Variants in NTSR1 observed in about 807,000 individuals in gnomAD.
The protein encoded by NTSR1 is neurotensin receptor type 1.
NTSR1 carries 29 observed loss-of-function variants against 31.2 expected under a neutral mutation model. The ratio of observed to expected loss-of-function variants is 0.93; its 90% CI spans 0.69 to 1.27. The LOEUF (loss-of-function observed/expected upper bound fraction) is 1.27, where lower values mean the gene tolerates loss of function less well. Ranked by LOEUF, NTSR1 falls within the 50% of genes most tolerant of loss-of-function variation. NTSR1 has a pLI of 0.00. For synonymous variants in NTSR1, 282 were observed against 269.9 expected, an observed-to-expected ratio of 1.04 and a Z score of -0.44; for missense variants, 697 against 595.4, an observed-to-expected ratio of 1.17 and a Z score of -1.78.
chr20:62,755,221 T>TCC, intron 2 of NTSR1, among the ~76,000 whole-genome samples: 1 of 90,466 alleles, frequency 1.1e-5, no homozygotes, highest in Non-Finnish European at 2.1e-5. Context: ...CCATCCATCC[T>TCC]TCTCTCCCTC....
intron 1 of NTSR1, among the ~76,000 whole-genome samples, chr20:62,725,745 C>A (rs945812633): frequency 6.6e-6 from 1 of 152,130 alleles, no homozygotes; most frequent in Non-Finnish European, 1.5e-5. Flanking sequence ...TATCACCCCC[C>A]ACCTTGAATC....
rs1206553027 is a variant in NTSR1, at chr20:62,741,315, G to A, written c.715-13370G>A. Among the ~76,000 whole-genome samples, 2 of 150,420 alleles carry A rather than the reference G, an allele frequency of 1.3e-5. No individual in the cohort carries two copies. Among genetic ancestry groups the A allele is most frequent in the Non-Finnish European group, 2.9e-5 (2 of 68,012 alleles). On this transcript the variant is annotated intron_variant, in intron 1 of 3. Coordinates refer to ENST00000370501, the MANE Select transcript of NTSR1 (RefSeq NM_002531.3). The surrounding 1 kb of genome is among the most constrained non-coding windows in gnomAD (Gnocchi z 4.3). ...CCCCACTCAGACAATGGCCTCTATA[G>A]CTCCAGCAATCAGGAGGGAAAAGAT...
chr20:62,751,239 A>T (rs891323774), intron 1 of NTSR1, among the ~76,000 whole-genome samples: 1 of 152,236 alleles, frequency 6.6e-6, no homozygotes, highest in Non-Finnish European at 1.5e-5. Flanking sequence ...GGTTAAAAAT[A>T]TATACATTTA....
chr20:62,754,848 G>A lies in NTSR1; in HGVS notation c.878G>A (p.Gly293Asp), dbSNP rs568596896. The A allele has an allele frequency of 2.5e-6, 4 of 1,606,762 alleles. No individual in the cohort carries two copies. The highest frequency in any genetic ancestry group is 1.7e-4 in the Middle Eastern group (1 of 6,048). The change falls in exon 2 of 4, where the codon GGC becomes GAC. Residue 293 changes from glycine (G) to aspartate (D), a missense_variant. Transcript: ENST00000370501. ...HSTFSMAIEPGRVQALRHGVR... is the reference protein window; with the variant it reads ...HSTFSMAIEPDRVQALRHGVR... ...ACATTCAGCATGGCCATCGAGCCTG[G>A]CAGGGTCCAGGCCCTGCGGCACGGC...
At chr20:62,722,421 C>G (rs970860260) in intron 1 of NTSR1, among the ~76,000 whole-genome samples, 5 of 152,346 alleles carry the variant, frequency 3.3e-5, no homozygotes, top group African/African-American at 7.2e-5. Context: ...TTCCCCCTAG[C>G]TCTGCCAGGA....
In NTSR1 at chr20:62,758,314, G is replaced by A. The variant is rs765309163; in HGVS notation, c.965G>A (p.Arg322Gln). ...GTCTGCTGGCTGCCCTACCACGTGC[G>A]GCGCCTCATGTTCTGCTACATCTCG... ...FVVCWLPYHV[R>Q]RLMFCYISDE... is the part of the protein sequence containing the mutation. Residue 322 changes from arginine (R) to glutamine (Q), a missense_variant, in exon 3 of 4, where the codon CGG becomes CAG. Coordinates refer to ENST00000370501, the MANE Select transcript of NTSR1 (RefSeq NM_002531.3). This position sits in a 1 kb window ranked among gnomAD's most constrained non-coding sequence, Gnocchi z 4.5. The A allele has an allele frequency of 1.7e-5, 28 of 1,613,744 alleles. No individual in the cohort carries two copies. The highest frequency in any genetic ancestry group is 2.7e-5 in the African/African-American group (2 of 75,002).
rs1989033975 is a variant in NTSR1 at position 62,733,395 on chromosome 20, T to A, written c.715-21290T>A. On this transcript the variant is annotated intron_variant, in intron 1 of 3. Transcript: ENST00000370501. This position sits in a 1 kb window ranked among gnomAD's most constrained non-coding sequence, Gnocchi z 5.2. The stretch of plus-strand genomic sequence containing the variant: ...GCTCCTTTCCGGGAGCAAATGAGCA[T>A]CTCTCGGGACAGTTGTGTTTCCCTT... Among the ~76,000 whole-genome samples, 1 of 152,110 alleles carries A rather than the reference T, an allele frequency of 6.6e-6. No homozygotes were observed. Among genetic ancestry groups the A allele is most frequent in the Admixed American group, 6.5e-5 (1 of 15,272 alleles).
intron 1 of NTSR1, among the ~76,000 whole-genome samples, chr20:62,750,369 AG>A (rs1298434109): frequency 6.6e-6 from 1 of 152,100 alleles, no homozygotes; most frequent in African/African-American, 2.4e-5. Flanking sequence ...CGGAGCTTTG[AG>A]GTATGGTGTG....
chr20:62,718,134 A>C (rs1199371819), intron 1 of NTSR1, among the ~76,000 whole-genome samples: 1 of 152,204 alleles, frequency 6.6e-6, no homozygotes, highest in East Asian at 1.9e-4. Context: ...CCGTGTGAGA[A>C]GCCACGGGCA....
In NTSR1 at chr20:62,754,697, A is replaced by G. The variant is rs1390523231; in HGVS notation, c.727A>G (p.Met243Val). ...TCCTCTCCTGCAGGTCAACACCTTCATGTCCTTCATATTCCCCATGGTGGT... is the reference window on the plus strand; with the variant it reads ...TCCTCTCCTGCAGGTCAACACCTTCGTGTCCTTCATATTCCCCATGGTGGT... ...VKVVIQVNTF[M>V]SFIFPMVVIS... Residue 243 changes from methionine (M) to valine (V), a missense_variant, in exon 2 of 4, where the codon ATG becomes GTG. By Grantham distance (21) the Met-to-Val change is conservative (BLOSUM62 1). Transcript: ENST00000370501. 1 of 1,612,358 alleles carries G rather than the reference A, an allele frequency of 6.2e-7. No homozygotes were observed. The highest frequency in any genetic ancestry group is 1.3e-5 in the African/African-American group (1 of 74,864).
intron 3 of NTSR1, among the ~76,000 whole-genome samples, chr20:62,759,686 A>G (rs1989577845): frequency 1.3e-5 from 2 of 151,494 alleles, no homozygotes; most frequent in African/African-American, 2.4e-5. Flanking sequence ...GAGGCAGGAG[A>G]ATGGTGTGAA....
At chr20:62,712,490 T>C (rs768603343) in intron 1 of NTSR1, among the ~76,000 whole-genome samples, 7 of 152,246 alleles carry the variant, frequency 4.6e-5, no homozygotes, top group Non-Finnish European at 8.8e-5. Context: ...GATAACACTT[T>C]GGAGCAACTT....
intron 1 of NTSR1, among the ~76,000 whole-genome samples, chr20:62,735,865 G>A (rs1309401276): frequency 1.3e-5 from 2 of 152,222 alleles, no homozygotes; most frequent in Non-Finnish European, 1.5e-5. Context: ...AAAAGGAAAT[G>A]GGACAGGAGT....
At chr20:62,750,896 A>G (rs995884707) in intron 1 of NTSR1, among the ~76,000 whole-genome samples, 2 of 152,022 alleles carry the variant, frequency 1.3e-5, no homozygotes, top group African/African-American at 2.4e-5. Flanking sequence ...TATTTTTGCG[A>G]TGGGCGTCTC....
intron 1 of NTSR1, among the ~76,000 whole-genome samples, chr20:62,738,250 C>T (rs1005652643): frequency 9.9e-5 from 15 of 152,262 alleles, no homozygotes; most frequent in African/African-American, 3.4e-4. Context: ...GCTAGATGGC[C>T]GGCCTGGATG....
chr20:62,745,009 T>G lies in NTSR1; in HGVS notation c.715-9676T>G, dbSNP rs573687947. The stretch of plus-strand genomic sequence containing the variant: ...AGCCCCACCTCCAGACCACCACGGC[T>G]GTCACAGCAGACACCCCTGTCTCCC... On this transcript the variant is annotated intron_variant, in intron 1 of 3. Transcript: ENST00000370501. The surrounding 1 kb of genome is among the most constrained non-coding windows in gnomAD (Gnocchi z 4.1). 1.3e-5 allele frequency among the ~76,000 whole-genome samples: 2 copies of G among 152,260 alleles called. No homozygotes were observed. Among genetic ancestry groups the G allele is most frequent in the African/African-American group, 4.8e-5 (2 of 41,550 alleles).
intron 1 of NTSR1, among the ~76,000 whole-genome samples, chr20:62,751,333 T>G (rs913346590): frequency 3.9e-5 from 6 of 152,252 alleles, no homozygotes; most frequent in East Asian, 1.9e-4. Context: ...GGAATTTTTT[T>G]GGGGTAAGAT....
intron 1 of NTSR1, among the ~76,000 whole-genome samples, chr20:62,751,931 T>A (rs1472617145): frequency 6.6e-6 from 1 of 152,106 alleles, no homozygotes; most frequent in African/African-American, 2.4e-5. Context: ...GCACTGTCGA[T>A]GCCAAATTCT....
Position 62,711,428 on chromosome 20 carries a change from T to C in NTSR1, c.714+1507T>C, listed in dbSNP as rs1280512736. Among the ~76,000 whole-genome samples the C allele has an allele frequency of 6.6e-6, 1 of 151,936 alleles. No individual in the cohort carries two copies. Among genetic ancestry groups the C allele is most frequent in the Non-Finnish European group, 1.5e-5 (1 of 67,952 alleles). On this transcript the variant is annotated intron_variant, in intron 1 of 3. Transcript: ENST00000370501. This position sits in a 1 kb window ranked among gnomAD's most constrained non-coding sequence, Gnocchi z 6.4. ...TGATTGGCATTGGCCAGGGGGAACCTCTCCCCAGTCCGCGTGGAGGGGCCC... is the reference window on the plus strand; with the variant it reads ...TGATTGGCATTGGCCAGGGGGAACCCCTCCCCAGTCCGCGTGGAGGGGCCC...
Sources: allele counts gnomAD v4.1 joint callset (sites outside exome capture counted in the v4.1 genomes callset), GRCh38; gene constraint gnomAD v4.1.1; non-coding constraint Gnocchi (gnomAD v3.1); transcripts MANE v1.5; gene names NCBI Gene and HGNC (gene_info 2026-07-23, HGNC 2026-07-21).